KCNQ3: variants seen among roughly 807,000 people sequenced by gnomAD.
The protein encoded by KCNQ3 is potassium voltage-gated channel subfamily Q member 3.
Under a neutral mutation model 92.5 loss-of-function variants are expected in KCNQ3, and 30 were observed. The observed-to-expected ratio is 0.32, with a 90% CI of 0.24 to 0.44. The LOEUF is 0.44. Among genes scored for constraint, KCNQ3 ranks in the 20% least tolerant of loss-of-function variants. The pLI, the probability that KCNQ3 is intolerant of heterozygous loss-of-function variation, is 1.00. For missense variants in KCNQ3, 913 were observed against 1,140.3 expected, an observed-to-expected ratio of 0.80 and a Z score of 2.87; for synonymous variants, 450 against 468.8, an observed-to-expected ratio of 0.96 and a Z score of 0.52.
At chr8:132,141,353 A>G in intron 9 of KCNQ3, 22 bp from the exon 10 acceptor site, 1 of 1,609,472 alleles carries the variant, frequency 6.2e-7, no homozygotes, top group Non-Finnish European at 8.5e-7. Flanking sequence ...GCAAAAGTGA[A>G]CAATTTTCCT....
intron 1 of KCNQ3, among the ~76,000 whole-genome samples, chr8:132,435,482 G>A (rs1821368790): frequency 6.6e-6 from 1 of 152,122 alleles, no homozygotes; most frequent in Non-Finnish European, 1.5e-5. Context: ...CTCCATCTGT[G>A]CGACCTTAAC....
intron 1 of KCNQ3, among the ~76,000 whole-genome samples, chr8:132,190,567 G>A (rs1827126501): frequency 6.6e-6 from 1 of 152,208 alleles, no homozygotes; most frequent in South Asian, 2.1e-4. Flanking sequence ...TTACCAGCAT[G>A]AGAGTGGGAC....
intron 10 of KCNQ3, 48 bp downstream of exon 10, chr8:132,141,081 G>C: frequency 6.5e-7 from 1 of 1,546,352 alleles, no homozygotes; most frequent in Non-Finnish European, 8.9e-7. Flanking sequence ...AGTGGACTTG[G>C]GGGAGGAAGA....
intron 3 of KCNQ3, 113 bp from the exon 4 acceptor site, chr8:132,180,442 G>C (rs1826722610): frequency 3.5e-6 from 4 of 1,129,788 alleles, no homozygotes; most frequent in Non-Finnish European, 5.2e-6. Flanking sequence ...CCAAGCAGTG[G>C]GACAATCTGA....
At chr8:132,366,426 G>C (rs1819323624) in intron 1 of KCNQ3, among the ~76,000 whole-genome samples, 1 of 151,932 alleles carries the variant, frequency 6.6e-6, no homozygotes, top group Non-Finnish European at 1.5e-5. Flanking sequence ...TAATCTTCTT[G>C]CTTCCAATTC....
intron 10 of KCNQ3, chr8:132,140,871 C>T (rs1173851970): frequency 3.8e-6 from 2 of 527,280 alleles, no homozygotes; most frequent in African/African-American, 3.8e-5. Flanking sequence ...GGGGCGGACC[C>T]TTAGAAACCA....
chr8:132,444,823 C>A (rs1406040284), intron 1 of KCNQ3, among the ~76,000 whole-genome samples: 4 of 152,178 alleles, frequency 2.6e-5, no homozygotes, highest in South Asian at 2.1e-4. Flanking sequence ...CATCTCCAAG[C>A]CTGTTCCTTT....
intron 1 of KCNQ3, among the ~76,000 whole-genome samples, chr8:132,284,220 G>GA (rs1446864549): frequency 6.6e-6 from 1 of 152,134 alleles, no homozygotes; most frequent in Non-Finnish European, 1.5e-5. Context: ...GTCTTTCTAA[G>GA]AAATTGACCC....
intron 1 of KCNQ3, among the ~76,000 whole-genome samples, chr8:132,416,580 C>T (rs534621373): frequency 6.6e-6 from 1 of 152,254 alleles, no homozygotes; most frequent in East Asian, 1.9e-4. Flanking sequence ...TGAGATCGTA[C>T]AACTGCACTC....
chr8:132,222,514 C>T (rs1033811359), intron 1 of KCNQ3, among the ~76,000 whole-genome samples: 2 of 152,140 alleles, frequency 1.3e-5, no homozygotes, highest in African/African-American at 4.8e-5. Context: ...TTAGGGTAGG[C>T]TTAAGGCAAG....
chr8:132,340,104 G>T lies in KCNQ3; in HGVS notation c.386+140043C>A, dbSNP rs146332025. On this transcript the variant is annotated intron_variant, in intron 1 of 14. Coordinates refer to ENST00000388996, the MANE Select transcript of KCNQ3 (RefSeq NM_004519.4). ...TAGAATGGCAATTATTAAAAAGTCAGGAAACAACAGATGCTGGCGAGGCTG... is the reference window on the plus strand; with the variant it reads ...TAGAATGGCAATTATTAAAAAGTCATGAAACAACAGATGCTGGCGAGGCTG... 4.4e-3 allele frequency among the ~76,000 whole-genome samples: 663 copies of T among 152,238 alleles called. 3 individuals carry two copies. The highest frequency in any genetic ancestry group is 0.014 in the African/African-American group (587 of 41,546).
At chr8:132,466,973 G>A (rs893624750) in intron 1 of KCNQ3, among the ~76,000 whole-genome samples, 1 of 152,152 alleles carries the variant, frequency 6.6e-6, no homozygotes, top group African/African-American at 2.4e-5. Flanking sequence ...GCTCAGTGTC[G>A]GCTTCTGGTG....
chr8:132,373,295 T>A (rs1280844788), intron 1 of KCNQ3, among the ~76,000 whole-genome samples: 1 of 152,156 alleles, frequency 6.6e-6, no homozygotes, highest in Non-Finnish European at 1.5e-5. Flanking sequence ...GGACTCCATA[T>A]ATTTATTAAT....
At chr8:132,142,838 G>T (rs1825339259) in intron 9 of KCNQ3, among the ~76,000 whole-genome samples, 1 of 152,190 alleles carries the variant, frequency 6.6e-6, no homozygotes, top group South Asian at 2.1e-4. Context: ...GGAGGTCATG[G>T]TGTTGTGGCT....
At chr8:132,269,351 T>C (rs1265396862) in intron 1 of KCNQ3, among the ~76,000 whole-genome samples, 2 of 152,268 alleles carry the variant, frequency 1.3e-5, no homozygotes, top group African/African-American at 4.8e-5. Flanking sequence ...TTTAGGTCTG[T>C]GATCCATTTT....
chr8:132,182,221 T>C (rs1027040195), intron 3 of KCNQ3, among the ~76,000 whole-genome samples: 2 of 152,206 alleles, frequency 1.3e-5, no homozygotes, highest in Non-Finnish European at 2.9e-5. Flanking sequence ...TGTGCAAACC[T>C]ATCTATCTGT....
At chr8:132,371,844 C>T (rs35379379) in intron 1 of KCNQ3, among the ~76,000 whole-genome samples, 5,353 of 152,316 alleles carry the variant, frequency 0.035, 241 homozygotes, top group East Asian at 0.24. Context: ...TCTTCAATCT[C>T]CCTCCGCACA....
chr8:132,266,292 C>T (rs1294155059), intron 1 of KCNQ3, among the ~76,000 whole-genome samples: 4 of 152,204 alleles, frequency 2.6e-5, no homozygotes, highest in African/African-American at 9.6e-5. Context: ...GACTAATAGT[C>T]TCTCGGCCAC....
At chr8:132,387,564 A>T (rs1474967249) in intron 1 of KCNQ3, among the ~76,000 whole-genome samples, 1 of 152,210 alleles carries the variant, frequency 6.6e-6, no homozygotes, top group Non-Finnish European at 1.5e-5. Flanking sequence ...TTATACATAA[A>T]AATGTGAATT....
Sources: allele counts gnomAD v4.1 joint callset (sites outside exome capture counted in the v4.1 genomes callset), GRCh38; gene constraint gnomAD v4.1.1; transcripts MANE v1.5; gene names NCBI Gene and HGNC (gene_info 2026-07-23, HGNC 2026-07-21).